Variants in RABGAP1L observed in about 807,000 individuals in gnomAD.
RABGAP1L encodes RAB GTPase activating protein 1 like, also known as rab GTPase-activating protein 1-like.
Under a neutral mutation model 137.7 loss-of-function variants are expected in RABGAP1L, and 63 were observed. The ratio of observed to expected loss-of-function variants is 0.46; its 90% CI spans 0.37 to 0.56. RABGAP1L has a LOEUF of 0.56. Ranked by LOEUF, RABGAP1L falls within the 20% of genes least tolerant of loss-of-function variation. The pLI is 0.00. For missense variants in RABGAP1L, 1,095 were observed against 1,244.0 expected, an observed-to-expected ratio of 0.88 and a Z score of 1.80; for synonymous variants, 431 against 433.7, an observed-to-expected ratio of 0.99 and a Z score of 0.08.
intron 12 of RABGAP1L, among the ~76,000 whole-genome samples, chr1:174,376,085 T>G (rs1571486733): frequency 7.2e-6 from 1 of 138,624 alleles, no homozygotes; most frequent in East Asian, 2.1e-4. Flanking sequence ...TAGAGTAAAG[T>G]AAAGTAAAGA....
Position 174,448,594 on chromosome 1 carries a change from C to T in RABGAP1L, c.1710+54449C>T, listed in dbSNP as rs751968841. Reference sequence around the variant, plus strand: ...TCACCCCTTGTCGCTTGAGAATTTGCATTATTTTGATCTGGATCTACTCCT... The same window carrying T: ...TCACCCCTTGTCGCTTGAGAATTTGTATTATTTTGATCTGGATCTACTCCT... On this transcript the variant is annotated intron_variant, in intron 13 of 25. Coordinates refer to ENST00000681986, the MANE Select transcript of RABGAP1L (RefSeq NM_001366446.1). This position sits in a 1 kb window ranked among gnomAD's most constrained non-coding sequence, Gnocchi z 4.2. 1.9e-6 allele frequency: 3 copies of T among 1,613,956 alleles called. No individual in the cohort carries two copies. In the East Asian group the frequency reaches 6.7e-5, roughly 36 times the overall value.
chr1:174,981,352 T>C (rs942610860), intron 23 of RABGAP1L, among the ~76,000 whole-genome samples: 1 of 152,144 alleles, frequency 6.6e-6, no homozygotes, highest in Non-Finnish European at 1.5e-5. Flanking sequence ...GTCCTACTAA[T>C]GGTTCCTCAG....
At chr1:174,481,239 C>A (rs887641131) in intron 13 of RABGAP1L, among the ~76,000 whole-genome samples, 1 of 152,208 alleles carries the variant, frequency 6.6e-6, no homozygotes, top group African/African-American at 2.4e-5. Flanking sequence ...ATCAGTGATA[C>A]ACTAATTAAA....
intron 13 of RABGAP1L, among the ~76,000 whole-genome samples, chr1:174,450,410 G>T (rs1655302297): frequency 6.6e-6 from 1 of 152,036 alleles, no homozygotes; most frequent in Non-Finnish European, 1.5e-5. Flanking sequence ...AAAATATATA[G>T]ATCAATGTTG....
intron 1 of RABGAP1L, among the ~76,000 whole-genome samples, chr1:174,167,271 G>A (rs927476751): frequency 6.6e-6 from 1 of 152,094 alleles, no homozygotes; most frequent in Non-Finnish European, 1.5e-5. Context: ...AATCTTTCCA[G>A]ATTTTCTGCC....
intron 12 of RABGAP1L, among the ~76,000 whole-genome samples, chr1:174,384,970 A>G (rs1056843459): frequency 6.6e-6 from 1 of 152,210 alleles, no homozygotes; most frequent in Non-Finnish European, 1.5e-5. Flanking sequence ...TTTATCTTAT[A>G]TCTGGCTTCA....
intron 19 of RABGAP1L, among the ~76,000 whole-genome samples, chr1:174,955,099 A>G (rs1668325651): frequency 6.6e-6 from 1 of 152,134 alleles, no homozygotes; most frequent in Non-Finnish European, 1.5e-5. Context: ...TTTCCTTTCT[A>G]TTGCACTCTA....
rs528165485 is a variant in RABGAP1L at position 174,239,180 on chromosome 1, T to C, written c.543-2303T>C. Among the ~76,000 whole-genome samples, 1,423 of 152,290 alleles carry C rather than the reference T, an allele frequency of 9.3e-3. 23 individuals carry two copies. The highest frequency in any genetic ancestry group is 0.031 in the African/African-American group (1,295 of 41,564). ...GCGCCCACTGTCTGGCACTCCCTAG[T>C]GAGATGAACCCGGTACCTCAGATGG... is the stretch of plus-strand genomic sequence containing the variant. On this transcript the variant is annotated intron_variant, in intron 4 of 25. Transcript: ENST00000681986.
At chr1:174,689,208 C>G (rs1003608658) in intron 15 of RABGAP1L, among the ~76,000 whole-genome samples, 18 of 151,292 alleles carry the variant, frequency 1.2e-4, no homozygotes, top group African/African-American at 4.4e-4. Context: ...TATTTCTCAC[C>G]AAAAAGACAG....
Position 174,634,441 on chromosome 1 carries a change from G to A in RABGAP1L, c.1711-2934G>A, listed in dbSNP as rs372822751. ...ACACTTTTACACTGTTGGTGGGACT[G>A]TAAACTAGTTCAACCATTGTGGAAG... On this transcript the variant is annotated intron_variant, in intron 13 of 25. Coordinates refer to ENST00000681986, the MANE Select transcript of RABGAP1L (RefSeq NM_001366446.1). Among the ~76,000 whole-genome samples, 72 of 125,866 alleles carry A rather than the reference G, an allele frequency of 5.7e-4. No individual in the cohort carries two copies. In the East Asian group the frequency reaches 0.017, roughly 30 times the overall value. The allele number at this position is 125,866 out of a possible 152,430, so 82.6% of individuals were successfully genotyped here. A position where few individuals can be genotyped will look rare whatever the true frequency, so the allele number is the denominator to read the frequency against.
intron 13 of RABGAP1L, among the ~76,000 whole-genome samples, chr1:174,513,420 C>T (rs935397361): frequency 1.3e-5 from 2 of 151,884 alleles, no homozygotes; most frequent in Admixed American, 1.3e-4. Context: ...CCAGCTGGGG[C>T]AACATAGTGA....
chr1:174,681,194 A>T (rs1678039299), intron 14 of RABGAP1L, among the ~76,000 whole-genome samples: 1 of 152,208 alleles, frequency 6.6e-6, no homozygotes, highest in Admixed American at 6.5e-5. Flanking sequence ...TTAACATTTG[A>T]AGTTTGAACC....
chr1:174,270,845 A>G (rs1049426353), intron 7 of RABGAP1L, among the ~76,000 whole-genome samples: 3 of 152,154 alleles, frequency 2.0e-5, no homozygotes, highest in Middle Eastern at 3.2e-3. Flanking sequence ...ACAAAAAACC[A>G]TTAGAGATGC....
chr1:174,862,671 A>G (rs894595755), intron 19 of RABGAP1L, among the ~76,000 whole-genome samples: 1 of 152,060 alleles, frequency 6.6e-6, no homozygotes, highest in African/African-American at 2.4e-5. Flanking sequence ...CTAATTTTTC[A>G]TTCAATTTAT....
intron 19 of RABGAP1L, among the ~76,000 whole-genome samples, chr1:174,827,383 T>C (rs141316624): frequency 2.6e-5 from 4 of 152,282 alleles, no homozygotes; most frequent in African/African-American, 4.8e-5. Flanking sequence ...TTTAACTTAA[T>C]TGTCTCTTTA....
intron 13 of RABGAP1L, among the ~76,000 whole-genome samples, chr1:174,633,191 G>T (rs1210178870): frequency 6.7e-6 from 1 of 149,572 alleles, no homozygotes; most frequent in Admixed American, 6.7e-5. Context: ...AAAGTCTCAG[G>T]ATACAAAATC....
chr1:174,674,938 T>C (rs969032236), intron 14 of RABGAP1L, among the ~76,000 whole-genome samples: 18 of 152,216 alleles, frequency 1.2e-4, no homozygotes, highest in African/African-American at 4.3e-4. Flanking sequence ...TGGGGTTGTT[T>C]GTTTTTTACT....
intron 19 of RABGAP1L, among the ~76,000 whole-genome samples, chr1:174,900,456 A>G (rs75461537): frequency 0.076 from 11,594 of 152,248 alleles, 633 homozygotes; most frequent in East Asian, 0.32. Flanking sequence ...TGTGTGGTCT[A>G]TGTAAATGGA....
chr1:174,236,634 C>T (rs1209078897), intron 4 of RABGAP1L, among the ~76,000 whole-genome samples: 436 of 148,512 alleles, frequency 2.9e-3, no homozygotes, highest in African/African-American at 4.5e-3. Context: ...GTCTGAGAGA[C>T]AGTTTGTTAT....
Sources: gnomAD v4.1 joint callset for allele counts (sites outside exome capture counted in the v4.1 genomes callset) on GRCh38, gnomAD v4.1.1 for gene constraint, Gnocchi (gnomAD v3.1) non-coding constraint, MANE v1.5 for transcripts, NCBI Gene and HGNC (gene_info 2026-07-23, HGNC 2026-07-21) for gene names.